Variants in SNX25 observed in about 807,000 individuals in gnomAD.
The protein encoded by SNX25 is sorting nexin 25.
SNX25 carries 62 observed loss-of-function variants against 113.7 expected under a neutral mutation model. The ratio of observed to expected loss-of-function variants is 0.55; its 90% CI spans 0.44 to 0.67. SNX25 has a LOEUF of 0.67. Ranked by LOEUF, SNX25 falls within the 30% of genes least tolerant of loss-of-function variation. The pLI is 0.00. For missense variants in SNX25, 1,014 were observed against 1,161.0 expected (o/e 0.87, Z 1.84); for synonymous variants, 421 against 436.2 (o/e 0.97, Z 0.43).
chr4:185,276,167 TGTA>T, intron 5 of SNX25, among the ~76,000 whole-genome samples: 1 of 152,278 alleles, frequency 6.6e-6, no homozygotes, highest in Non-Finnish European at 1.5e-5. Flanking sequence ...ATTATGTTCT[TGTA>T]GTTGGAGCAA....
At chr4:185,378,020 A>G in the SNX25 span, 1 of 1,294,764 alleles carries the variant, frequency 7.7e-7, no homozygotes, top group Non-Finnish European at 1.1e-6. Context: ...CGTTTGCTCT[A>G]GCATGCAAAA....
chr4:185,216,973 G>C (rs932792785), intron 1 of SNX25, among the ~76,000 whole-genome samples: 2 of 152,212 alleles, frequency 1.3e-5, no homozygotes, highest in African/African-American at 4.8e-5. Flanking sequence ...ATAGGAGCTA[G>C]GATTAGAAAG....
intron 12 of SNX25, among the ~76,000 whole-genome samples, chr4:185,344,673 C>T (rs896950082): frequency 3.9e-5 from 6 of 152,278 alleles, no homozygotes; most frequent in South Asian, 2.1e-4. Context: ...TTTGAAAACA[C>T]GGTTTGAAGC....
chr4:185,224,524 T>G (rs1371347179), intron 1 of SNX25, among the ~76,000 whole-genome samples: 1 of 103,758 alleles, frequency 9.6e-6, no homozygotes, highest in African/African-American at 3.7e-5. Context: ...TATAAATATA[T>G]ATACATATAT....
intron 4 of SNX25, 112 bp from the exon 5 acceptor site, chr4:185,266,856 TG>T: frequency 9.3e-6 from 3 of 322,502 alleles, no homozygotes; most frequent in Non-Finnish European, 9.5e-6. Context: ...GATATTCCCC[TG>T]TTTGACTACT....
chr4:185,353,966 C>T (rs528443110), intron 15 of SNX25, among the ~76,000 whole-genome samples: 3 of 151,890 alleles, frequency 2.0e-5, no homozygotes, highest in Admixed American at 1.3e-4. Context: ...ATTGCTTGAA[C>T]CCAGGAGGTG....
intron 1 of SNX25, among the ~76,000 whole-genome samples, chr4:185,242,584 G>A (rs529598324): frequency 1.3e-5 from 2 of 152,222 alleles, no homozygotes; most frequent in Non-Finnish European, 2.9e-5. Context: ...TGAGGTATGG[G>A]GGAGGGGTGC....
intron 5 of SNX25, among the ~76,000 whole-genome samples, chr4:185,286,395 G>A (rs1490405901): frequency 6.6e-6 from 1 of 152,178 alleles, no homozygotes; most frequent in East Asian, 1.9e-4. Flanking sequence ...ACAAGTGTGA[G>A]CCACTGTGCC....
intron 9 of SNX25, 78 bp downstream of exon 9, chr4:185,323,878 G>A: frequency 6.7e-7 from 1 of 1,497,902 alleles, no homozygotes; most frequent in Non-Finnish European, 9.0e-7. Flanking sequence ...TATTGTGTGA[G>A]CCAAATTTGA....
intron 13 of SNX25, among the ~76,000 whole-genome samples, chr4:185,347,137 T>C (rs2095291129): frequency 6.6e-6 from 1 of 152,258 alleles, no homozygotes; most frequent in Non-Finnish European, 1.5e-5. Context: ...GTTTTCATCG[T>C]GTGAATACAC....
intron 1 of SNX25, among the ~76,000 whole-genome samples, chr4:185,227,157 G>T (rs1311637712): frequency 3.3e-5 from 5 of 152,248 alleles, no homozygotes; most frequent in Non-Finnish European, 7.3e-5. Context: ...AAATGCTTCT[G>T]GCAGTGTTCC....
Position 185,237,571 on chromosome 4 carries a change from G to A in SNX25, c.430-9723G>A, listed in dbSNP as rs565666273. 2.0e-5 allele frequency among the ~76,000 whole-genome samples: 3 copies of A among 152,152 alleles called. No homozygotes were observed. The South Asian group carries it at 6.3e-4, about 32-fold the overall frequency. ...TGGAAGTTGGTAAACATTTTGAGTT[G>A]TATTTGTGATACTGTCTGGTGGGCG... On this transcript the variant is annotated intron_variant, in intron 1 of 18. Transcript: ENST00000652585.
downstream of SNX25, among the ~76,000 whole-genome samples, chr4:185,372,673 C>T (rs1471105077): frequency 6.6e-6 from 1 of 152,138 alleles, no homozygotes; most frequent in Non-Finnish European, 1.5e-5. Context: ...GACTAAAGCC[C>T]TTTTTATAAA....
chr4:185,268,947 A>G (rs1748523944), intron 5 of SNX25, among the ~76,000 whole-genome samples: 1 of 152,232 alleles, frequency 6.6e-6, no homozygotes, highest in South Asian at 2.1e-4. Context: ...TGGGTATAAT[A>G]TATATCTGAT....
Position 185,260,207 on chromosome 4 carries a change from T to C in SNX25, c.731+1143T>C, listed in dbSNP as rs184111647. ...TCTTACTTAAAAGAAAGTAAAACATTGGTTTTATTTTCTTACTTAAAAGAA... is the reference window on the plus strand; with the variant it reads ...TCTTACTTAAAAGAAAGTAAAACATCGGTTTTATTTTCTTACTTAAAAGAA... On this transcript the variant is annotated intron_variant, in intron 3 of 18. Coordinates refer to ENST00000652585, the MANE Select transcript of SNX25 (RefSeq NM_001378034.2). 9.9e-3 allele frequency among the ~76,000 whole-genome samples: 1,327 copies of C among 133,436 alleles called. 16 individuals are homozygous for C. The highest frequency in any genetic ancestry group is 0.031 in the African/African-American group (1,235 of 40,330). The allele number at this position is 133,436 out of a possible 152,430, so 87.5% of individuals were successfully genotyped here. A position where few individuals can be genotyped will look rare whatever the true frequency, so the allele number is the denominator to read the frequency against.
At chr4:185,298,033 C>A (rs1299288801) in intron 6 of SNX25, among the ~76,000 whole-genome samples, 1 of 151,920 alleles carries the variant, frequency 6.6e-6, no homozygotes, top group Non-Finnish European at 1.5e-5. Context: ...TAACTCTGTT[C>A]CCTGTCTGTA....
the SNX25 span, chr4:185,378,181 C>T: frequency 4.6e-4 from 745 of 1,613,748 alleles, no homozygotes; most frequent in Non-Finnish European, 5.8e-4. Context: ...CACTGGTCAA[C>T]TTCATCCTTT....
intron 1 of SNX25, among the ~76,000 whole-genome samples, chr4:185,227,752 G>C (rs1422038417): frequency 1.3e-5 from 2 of 152,190 alleles, no homozygotes; most frequent in African/African-American, 4.8e-5. Context: ...CTGTGGATCT[G>C]TCCAGCTGGC....
chr4:185,302,632 C>T (rs1753871730), intron 6 of SNX25, among the ~76,000 whole-genome samples: 1 of 152,248 alleles, frequency 6.6e-6, no homozygotes, highest in African/African-American at 2.4e-5. Flanking sequence ...CTTGCACCTT[C>T]TGCCATGTGA....
Sources: allele counts gnomAD v4.1 joint callset (sites outside exome capture counted in the v4.1 genomes callset), GRCh38; gene constraint gnomAD v4.1.1; transcripts MANE v1.5; gene names NCBI Gene and HGNC (gene_info 2026-07-23, HGNC 2026-07-21).